Variants in CDYL2 observed in about 807,000 individuals in gnomAD.
The protein encoded by CDYL2 is chromodomain Y like 2.
In CDYL2, 23 loss-of-function variants were observed where a neutral mutation model predicts 49.4. That is an observed-to-expected ratio of 0.47 (90% CI 0.34 to 0.66). The LOEUF (loss-of-function observed/expected upper bound fraction) is 0.66, where lower values mean the gene tolerates loss of function less well. CDYL2 is among the 30% of genes least tolerant of loss of function. CDYL2 has a pLI of 0.01. For missense variants in CDYL2, 678 were observed against 656.4 expected (o/e 1.03, Z -0.36); for synonymous variants, 360 against 268.8 (o/e 1.34, Z -3.32).
At chr16:80,639,651 A>G (rs1415007988) in intron 2 of CDYL2, 28 of 454,668 alleles carry the variant, frequency 6.2e-5, no homozygotes, top group Admixed American at 1.2e-4. Flanking sequence ...TAAGAACAAA[A>G]AATCAGGTGA....
rs1909779474 is a variant in CDYL2, at chr16:80,677,076, T to C, written c.616+7462A>G. Among the ~76,000 whole-genome samples, 3 of 148,234 alleles carry C rather than the reference T, an allele frequency of 2.0e-5. No homozygotes were observed. The South Asian group carries it at 6.6e-4, about 32-fold the overall frequency. On this transcript the variant is annotated intron_variant, in intron 2 of 6. Transcript: ENST00000570137. The stretch of plus-strand genomic sequence containing the variant: ...GCCTCCACCTCCTGGGCTCAAGTGA[T>C]CCTCCCACCTCAGCTCCCTGGAAAG...
chr16:80,653,935 AC>A (rs1390923491), intron 2 of CDYL2, among the ~76,000 whole-genome samples: 1 of 151,800 alleles, frequency 6.6e-6, no homozygotes, highest in African/African-American at 2.4e-5. Context: ...AATTCCTCAA[AC>A]CCCAGGAGTC....
chr16:80,745,840 A>C (rs1280286599), intron 1 of CDYL2, among the ~76,000 whole-genome samples: 1 of 152,124 alleles, frequency 6.6e-6, no homozygotes, highest in Non-Finnish European at 1.5e-5. Flanking sequence ...CCTTCCACTT[A>C]TGTTGTCCCT....
chr16:80,769,407 A>T (rs1906833013), intron 1 of CDYL2, among the ~76,000 whole-genome samples: 1 of 152,220 alleles, frequency 6.6e-6, no homozygotes, highest in Non-Finnish European at 1.5e-5. Flanking sequence ...CATTGTCTCA[A>T]CTAATTCTCA....
intron 1 of CDYL2, among the ~76,000 whole-genome samples, chr16:80,700,865 A>T (rs574198778): frequency 6.6e-6 from 1 of 152,370 alleles, no homozygotes; most frequent in East Asian, 1.9e-4. Context: ...CTCTGAACAG[A>T]AAGGTTTAAT....
chr16:80,681,456 T>C (rs1909964172), intron 2 of CDYL2, among the ~76,000 whole-genome samples: 1 of 152,216 alleles, frequency 6.6e-6, no homozygotes, highest in African/African-American at 2.4e-5. Flanking sequence ...CACGTTTTGC[T>C]GGACTACACC....
intron 1 of CDYL2, among the ~76,000 whole-genome samples, chr16:80,781,868 T>C (rs1907279893): frequency 6.6e-6 from 1 of 151,754 alleles, no homozygotes; most frequent in Non-Finnish European, 1.5e-5. Context: ...CAAAACATAC[T>C]AATACTGCAA....
intron 2 of CDYL2, among the ~76,000 whole-genome samples, chr16:80,650,439 A>T (rs1423880149): frequency 2.6e-5 from 4 of 152,184 alleles, no homozygotes; most frequent in Non-Finnish European, 5.9e-5. Flanking sequence ...TTTTATGTAA[A>T]ATGGCTTATA....
intron 1 of CDYL2, among the ~76,000 whole-genome samples, chr16:80,739,644 C>T (rs1905664473): frequency 6.6e-6 from 1 of 152,172 alleles, no homozygotes; most frequent in African/African-American, 2.4e-5. Context: ...GTGCTGGCAT[C>T]CTGCTCTGCC....
At chr16:80,694,533 A>C (rs929765251) in intron 1 of CDYL2, among the ~76,000 whole-genome samples, 1 of 152,238 alleles carries the variant, frequency 6.6e-6, no homozygotes, top group Non-Finnish European at 1.5e-5. Flanking sequence ...GATTAGAATA[A>C]ACCCTGGAAT....
intron 4 of CDYL2, among the ~76,000 whole-genome samples, chr16:80,614,555 A>G (rs1906741169): frequency 6.6e-6 from 1 of 152,238 alleles, no homozygotes; most frequent in South Asian, 2.1e-4. Context: ...TTGTTACAAC[A>G]GCTAATACTT....
chr16:80,651,425 A>G (rs1209576814), intron 2 of CDYL2, among the ~76,000 whole-genome samples: 1 of 152,202 alleles, frequency 6.6e-6, no homozygotes, highest in Non-Finnish European at 1.5e-5. Flanking sequence ...AGTGGTTGCT[A>G]GAGGTTCCAG....
intron 1 of CDYL2, among the ~76,000 whole-genome samples, chr16:80,694,386 T>C (rs1910539927): frequency 6.6e-6 from 1 of 152,200 alleles, no homozygotes; most frequent in Admixed American, 6.5e-5. Context: ...AAATTGTTTT[T>C]TGCAGAGGTA....
chr16:80,694,472 C>A (rs753858610), intron 1 of CDYL2, among the ~76,000 whole-genome samples: 2 of 134,898 alleles, frequency 1.5e-5, no homozygotes, highest in South Asian at 5.0e-4. Flanking sequence ...GAAATGAAAG[C>A]CAGGTTTCTC....
At chr16:80,615,612 G>C (rs1349224634) in intron 4 of CDYL2, among the ~76,000 whole-genome samples, 1 of 152,120 alleles carries the variant, frequency 6.6e-6, no homozygotes, top group African/African-American at 2.4e-5. Flanking sequence ...TCAACCACAT[G>C]ACATCCTTCA....
intron 2 of CDYL2, among the ~76,000 whole-genome samples, chr16:80,656,529 C>T (rs1908820005): frequency 6.6e-6 from 1 of 152,314 alleles, no homozygotes; most frequent in Non-Finnish European, 1.5e-5. Context: ...ATGGTGCATG[C>T]TACATATCTG....
intron 2 of CDYL2, among the ~76,000 whole-genome samples, chr16:80,673,701 G>C (rs750409646): frequency 6.6e-6 from 1 of 152,180 alleles, no homozygotes; most frequent in Non-Finnish European, 1.5e-5. Flanking sequence ...GGGATGAATA[G>C]CAAATCCTTA....
chr16:80,694,980 G>A (rs1910563280), intron 1 of CDYL2, among the ~76,000 whole-genome samples: 1 of 152,220 alleles, frequency 6.6e-6, no homozygotes, highest in Non-Finnish European at 1.5e-5. Context: ...TAAGCAACAT[G>A]CTCCTGATAA....
At chr16:80,677,370 G>A (rs967928958) in intron 2 of CDYL2, among the ~76,000 whole-genome samples, 3 of 152,138 alleles carry the variant, frequency 2.0e-5, no homozygotes, top group African/African-American at 7.2e-5. Context: ...ATGTTATCTA[G>A]GTTTTCAGAT....
Sources: gnomAD v4.1 joint callset for allele counts (sites outside exome capture counted in the v4.1 genomes callset) on GRCh38, gnomAD v4.1.1 for gene constraint, MANE v1.5 for transcripts, NCBI Gene and HGNC (gene_info 2026-07-23, HGNC 2026-07-21) for gene names.